Variants in PNKD observed in about 807,000 individuals in gnomAD.
PNKD encodes the protein PNKD metallo-beta-lactamase domain containing.
PNKD carries 36 observed loss-of-function variants against 45.3 expected under a neutral mutation model. The observed-to-expected ratio is 0.80, with a 90% CI of 0.61 to 1.05. The LOEUF (loss-of-function observed/expected upper bound fraction) is 1.05, where lower values mean the gene tolerates loss of function less well. Ranked by LOEUF, PNKD falls within the 50% of genes least tolerant of loss-of-function variation. The probability of loss-of-function intolerance (pLI) is 0.00; values close to 1 mark genes in which losing one functional copy is unlikely to be tolerated. For synonymous variants in PNKD, 197 were observed against 210.1 expected (o/e 0.94, Z 0.54); for missense variants, 511 against 506.6 (o/e 1.01, Z -0.08).
At chr2:218,273,340 C>T (rs980870733) in intron 2 of PNKD, among the ~76,000 whole-genome samples, 2 of 152,098 alleles carry the variant, frequency 1.3e-5, no homozygotes, top group Admixed American at 6.5e-5. Flanking sequence ...TTGTGATCGT[C>T]AGCTCACTGC....
chr2:218,296,024 T>A (rs1190141856), intron 2 of PNKD, among the ~76,000 whole-genome samples: 1 of 151,886 alleles, frequency 6.6e-6, no homozygotes, highest in Non-Finnish European at 1.5e-5. Context: ...ATTTTTGTAT[T>A]TTCTGTGGAG....
intron 2 of PNKD, chr2:218,285,779 G>A (rs1264376394): frequency 6.5e-6 from 1 of 152,872 alleles, no homozygotes; most frequent in East Asian, 1.9e-4. Context: ...GCAGTGCCAA[G>A]AACACTGTCA....
intron 2 of PNKD, among the ~76,000 whole-genome samples, chr2:218,297,684 C>CAA (rs71064428): frequency 0.015 from 607 of 41,776 alleles, 11 homozygotes; most frequent in Admixed American, 0.045. Flanking sequence ...GACTCCGTCT[C>CAA]AAAAAAAAAA....
At chr2:218,281,563 G>A (rs1691995929) in intron 2 of PNKD, among the ~76,000 whole-genome samples, 1 of 152,246 alleles carries the variant, frequency 6.6e-6, no homozygotes, top group South Asian at 2.1e-4. Context: ...GGTTCCCAAA[G>A]GAGTTCCTAA....
At chr2:218,319,371 C>CTTTTTTTTTT (rs35553031) in intron 2 of PNKD, among the ~76,000 whole-genome samples, 71 of 80,176 alleles carry the variant, frequency 8.9e-4, no homozygotes, top group East Asian at 2.0e-3. Flanking sequence ...TCTTGTTTGT[C>CTTTTTTTTTT]TTTTTTTTTT....
intron 2 of PNKD, among the ~76,000 whole-genome samples, chr2:218,285,542 G>A (rs1222225224): frequency 1.3e-5 from 2 of 152,174 alleles, no homozygotes; most frequent in African/African-American, 2.4e-5. Context: ...CAGGCTTGGA[G>A]ATACATAAAG....
Position 218,345,198 on chromosome 2 carries a change from G to A in PNKD, c.*217G>A, listed in dbSNP as rs966975492. The stretch of plus-strand genomic sequence containing the variant: ...GAGGCTGGGAACCCCGCAGCGCGAG[G>A]CTGCCTCATCAACGGCAAGAGGAAA... On this transcript the variant is annotated 3_prime_UTR_variant, in exon 10 of 10. Coordinates refer to ENST00000273077, the MANE Select transcript of PNKD (RefSeq NM_015488.5). 3.5e-6 allele frequency: 2 copies of A among 578,432 alleles called. No individual in the cohort carries two copies. Among genetic ancestry groups the A allele is most frequent in the Middle Eastern group, 4.6e-4 (1 of 2,176 alleles). The allele number at this position is 578,432 out of a possible 1,614,324, so 35.8% of individuals were successfully genotyped here. A position where few individuals can be genotyped will look rare whatever the true frequency, so the allele number is the denominator to read the frequency against.
chr2:218,315,811 G>C (rs148513754), intron 2 of PNKD, among the ~76,000 whole-genome samples: 1 of 152,328 alleles, frequency 6.6e-6, no homozygotes, highest in African/African-American at 2.4e-5. Context: ...TGTCTTTCCA[G>C]CATCATTAAT....
At chr2:218,344,605 G>T (rs368846390) in intron 9 of PNKD, 35 bp downstream of exon 9, 2 of 1,541,878 alleles carry the variant, frequency 1.3e-6, no homozygotes, top group Non-Finnish European at 1.8e-6. Context: ...AGCTGTGTGG[G>T]CAGGCACTCA....
chr2:218,345,398 T>A lies in PNKD; in HGVS notation c.*417T>A, dbSNP rs1242638595. On this transcript the variant is annotated 3_prime_UTR_variant, in exon 10 of 10. Coordinates refer to ENST00000273077, the MANE Select transcript of PNKD (RefSeq NM_015488.5). Reference sequence around the variant, plus strand: ...CATCTTGCCCTTCCCCCATCCATGGTTGGGAAAGAAGCTCAGCCCCTCACA... The same window carrying A: ...CATCTTGCCCTTCCCCCATCCATGGATGGGAAAGAAGCTCAGCCCCTCACA... 1.7e-5 allele frequency: 3 copies of A among 179,078 alleles called. No individual in the cohort carries two copies. In the East Asian group the frequency reaches 4.3e-4, roughly 26 times the overall value. 11.1% of individuals were successfully genotyped at this position (179,078 alleles called of 1,614,324 possible).
chr2:218,278,199 T>C, intron 2 of PNKD: 1 of 613,862 alleles, frequency 1.6e-6, no homozygotes, highest in South Asian at 2.0e-5. Context: ...CTGGATTGGT[T>C]TGCAACTCTT....
At chr2:218,325,878 CAG>C (rs1161184986) in intron 2 of PNKD, among the ~76,000 whole-genome samples, 1 of 152,162 alleles carries the variant, frequency 6.6e-6, no homozygotes, top group Non-Finnish European at 1.5e-5. Context: ...CTCAAATTTG[CAG>C]AGAGAAGGGT....
chr2:218,323,477 G>A, intron 2 of PNKD: 7 of 1,471,728 alleles, frequency 4.8e-6, no homozygotes, highest in Non-Finnish European at 6.3e-6. Context: ...AGGCGGGCGC[G>A]CTGGGAGAGG....
chr2:218,302,643 G>T (rs781614310), intron 2 of PNKD, among the ~76,000 whole-genome samples: 1 of 152,188 alleles, frequency 6.6e-6, no homozygotes, highest in Non-Finnish European at 1.5e-5. Flanking sequence ...GAGTCTCAGG[G>T]CCTCTTTAAG....
chr2:218,319,831 G>A (rs143048983), intron 2 of PNKD, among the ~76,000 whole-genome samples: 1 of 152,380 alleles, frequency 6.6e-6, no homozygotes, highest in East Asian at 1.9e-4. Context: ...AAAGCCACTG[G>A]CATATGCCAT....
At chr2:218,316,399 A>G (rs1352214517) in intron 2 of PNKD, among the ~76,000 whole-genome samples, 1 of 151,516 alleles carries the variant, frequency 6.6e-6, no homozygotes, top group Non-Finnish European at 1.5e-5. Flanking sequence ...CTTCCCAAGT[A>G]GCTGGGATTA....
intron 2 of PNKD, chr2:218,287,301 C>T (rs1024701013): frequency 6.6e-6 from 1 of 152,292 alleles, no homozygotes; most frequent in African/African-American, 2.4e-5. Flanking sequence ...TGGAACTTCC[C>T]TTCCCAGCCC....
chr2:218,282,080 G>A (rs2292553), intron 2 of PNKD: 865,650 of 1,585,848 alleles, frequency 0.55, 244,910 homozygotes, highest in South Asian at 0.64. Flanking sequence ...CCCAGGGGGC[G>A]GAGGGCCTGG....
intron 2 of PNKD, among the ~76,000 whole-genome samples, chr2:218,314,972 G>A (rs554958581): frequency 2.6e-5 from 4 of 151,884 alleles, no homozygotes; most frequent in Non-Finnish European, 5.9e-5. Context: ...TGCCAGGCAT[G>A]AGCCACTATG....
Sources: gnomAD v4.1 joint callset for allele counts (sites outside exome capture counted in the v4.1 genomes callset) on GRCh38, gnomAD v4.1.1 for gene constraint, MANE v1.5 for transcripts, NCBI Gene and HGNC (gene_info 2026-07-23, HGNC 2026-07-21) for gene names.